The following SLFN12 variants were observed in gnomAD, a reference collection of about 807,000 sequenced individuals.
SLFN12 encodes ribonuclease SLFN12.
SLFN12 carries 25 observed loss-of-function variants against 29.1 expected under a neutral mutation model. The ratio of observed to expected loss-of-function variants is 0.86; its 90% CI spans 0.63 to 1.20. SLFN12 has a LOEUF of 1.20. Among genes scored for constraint, SLFN12 ranks in the 50% most tolerant of loss-of-function variants. The pLI is 0.00. For missense variants in SLFN12, 660 were observed against 666.2 expected, an observed-to-expected ratio of 0.99 and a Z score of 0.10; for synonymous variants, 257 against 238.7, an observed-to-expected ratio of 1.08 and a Z score of -0.71.
intron 2 of SLFN12, among the ~76,000 whole-genome samples, 169 bp downstream of exon 2, chr17:35,421,819 CGT>C: frequency 6.6e-6 from 1 of 151,552 alleles, no homozygotes; most frequent in South Asian, 2.1e-4. Flanking sequence ...GGAATACAGA[CGT>C]GAGCCACCGC....
At chr17:35,429,178 C>T (rs925873595) in intron 1 of SLFN12, among the ~76,000 whole-genome samples, 9 of 152,030 alleles carry the variant, frequency 5.9e-5, no homozygotes, top group African/African-American at 2.2e-4. Context: ...ACCCACCATA[C>T]ACAGAAGGGG....
chr17:35,411,999 T>C, intron 3 of SLFN12, 72 bp from the exon 4 acceptor site: 1 of 1,211,730 alleles, frequency 8.3e-7, no homozygotes. Flanking sequence ...GCAAAGTAGC[T>C]TGTAAAAAAC....
At chr17:35,419,021 C>G (rs1420149609) in intron 3 of SLFN12, among the ~76,000 whole-genome samples, 1 of 152,018 alleles carries the variant, frequency 6.6e-6, no homozygotes, top group African/African-American at 2.4e-5. Flanking sequence ...GTGTGCACCA[C>G]CACACCTGGC....
intron 3 of SLFN12, 94 bp from the exon 4 acceptor site, chr17:35,412,021 T>C: frequency 1.1e-6 from 1 of 872,576 alleles, no homozygotes; most frequent in East Asian, 2.7e-5. Context: ...AATCTTCCCA[T>C]CAAAAACACT....
At position 35,411,238 on chromosome 17, in the gene SLFN12, T is replaced by A; in HGVS notation, c.*100A>T. 2.3e-6 allele frequency: 2 copies of A among 868,238 alleles called. No homozygotes were observed. Among genetic ancestry groups the A allele is most frequent in the Non-Finnish European group, 3.5e-6 (2 of 576,798 alleles). 53.8% of individuals were successfully genotyped at this position (868,238 alleles called of 1,614,324 possible). A position where few individuals can be genotyped will look rare whatever the true frequency, so the allele number is the denominator to read the frequency against. On this transcript the variant is annotated 3_prime_UTR_variant, in exon 4 of 4. Transcript: ENST00000304905. ...CCAATTATCCAACATCACATTAAGT[T>A]GCTTAACTTGCAAAGTTTTCAAAGA...
intron 3 of SLFN12, among the ~76,000 whole-genome samples, chr17:35,418,855 T>C (rs942807976): frequency 2.3e-4 from 34 of 150,902 alleles, no homozygotes; most frequent in African/African-American, 8.0e-4. Flanking sequence ...TGTATTTATT[T>C]ATTTGTTTGT....
chr17:35,418,178 C>A (rs1449622557), intron 3 of SLFN12, among the ~76,000 whole-genome samples: 4 of 151,524 alleles, frequency 2.6e-5, no homozygotes, highest in African/African-American at 9.7e-5. Flanking sequence ...AAAGGGCTTA[C>A]CCTACCAGAT....
At chr17:35,416,627 C>T (rs1294087085) in intron 3 of SLFN12, among the ~76,000 whole-genome samples, 2 of 151,962 alleles carry the variant, frequency 1.3e-5, no homozygotes, top group Non-Finnish European at 2.9e-5. Flanking sequence ...ATAAAAATAG[C>T]CTGAAATAAG....
rs145281992 is a variant in SLFN12 at position 35,414,848 on chromosome 17, T to G, written c.1148-2921A>C. On this transcript the variant is annotated intron_variant, in intron 3 of 3. Coordinates refer to ENST00000304905, the MANE Select transcript of SLFN12 (RefSeq NM_018042.5). ...CTCTACAAGGAAAACCACAAAACACTGCTGAAAGAAATCATAGATGAAACA... is the reference window on the plus strand; with the variant it reads ...CTCTACAAGGAAAACCACAAAACACGGCTGAAAGAAATCATAGATGAAACA... Among the ~76,000 whole-genome samples the G allele has an allele frequency of 3.9e-3, 600 of 152,118 alleles. 7 individuals carry two copies. The highest frequency in any genetic ancestry group is 0.013 in the African/African-American group (555 of 41,530).
At chr17:35,417,476 TG>T (rs757497098) in intron 3 of SLFN12, among the ~76,000 whole-genome samples, 1 of 152,132 alleles carries the variant, frequency 6.6e-6, no homozygotes, top group Non-Finnish European at 1.5e-5. Flanking sequence ...CTTTAAGTTC[TG>T]GGGTACATGT....
rs756849426 is a variant in SLFN12, at chr17:35,411,494, C to G, written c.1581G>C (p.Arg527Ser). 6.2e-7 allele frequency: 1 copy of G among 1,613,996 alleles called. No individual in the cohort carries two copies. The highest frequency in any genetic ancestry group is 8.5e-7 in the Non-Finnish European group (1 of 1,179,980). Residue 527 changes from arginine to serine, a missense_variant, in exon 4 of 4, where the codon AGG becomes AGC. Physicochemically the swap from Arg to Ser is moderately radical, Grantham distance 110 (BLOSUM62 -1). Transcript: ENST00000304905. Reference protein sequence around the residue: ...IYPESYYFTRRKYLLKALFKA... With the variant: ...IYPESYYFTRSKYLLKALFKA... ...TAAAAAGGGCTTTCAGCAAGTATTT[C>G]CTTCTTGTAAAATAGTAGGATTCAG...
intron 3 of SLFN12, among the ~76,000 whole-genome samples, chr17:35,419,435 C>T (rs1276163817): frequency 6.6e-6 from 1 of 151,882 alleles, no homozygotes; most frequent in Admixed American, 6.6e-5. Flanking sequence ...AAGAAAAAGA[C>T]AAAGCTTATT....
Position 35,422,090 on chromosome 17 carries a change from T to C in SLFN12, c.939A>G (p.Ala313=), listed in dbSNP as rs376178511. 9.3e-6 allele frequency: 15 copies of C among 1,614,086 alleles called. No individual in the cohort carries two copies. The highest frequency in any genetic ancestry group is 8.0e-5 in the African/African-American group (6 of 75,038). The change falls in exon 2 of 4, where the codon GCA becomes GCG. Residue 313 remains alanine, a synonymous_variant. Transcript: ENST00000304905. ...AGGAATCAGGCTCTTTAGCAAACAC[T>C]GCACAGCAGAAGCGCTCCACTCTGA... ...CALRVERFCC[A]VFAKEPDSWH... is the part of the protein sequence containing the mutation.
intron 1 of SLFN12, among the ~76,000 whole-genome samples, chr17:35,427,268 T>C (rs960283614): frequency 6.6e-6 from 1 of 152,180 alleles, no homozygotes; most frequent in Non-Finnish European, 1.5e-5. Context: ...ATTCATTTAG[T>C]TGCAACAGAT....
Position 35,422,969 on chromosome 17 carries a change from T to C in SLFN12, c.60A>G (p.Arg20=). 1.2e-6 allele frequency: 2 copies of C among 1,613,636 alleles called. No individual in the cohort carries two copies. The highest frequency in any genetic ancestry group is 1.1e-5 in the South Asian group (1 of 91,030). Reference sequence around the variant, plus strand: ...TCCTACTGTTCTCTCCAAGAGTGACTCTTCCCACATCTAGAACCAACTCGG... The same window carrying C: ...TCCTACTGTTCTCTCCAAGAGTGACCCTTCCCACATCTAGAACCAACTCGG... The part of the protein sequence containing the change: ...NYAELVLDVG[R]VTLGENSRKK... The change falls in exon 2 of 4, where the codon AGA becomes AGG. Residue 20 remains arginine (R), a synonymous_variant. Coordinates refer to ENST00000304905, the MANE Select transcript of SLFN12 (RefSeq NM_018042.5).
chr17:35,412,993 A>G (rs1198002790), intron 3 of SLFN12, among the ~76,000 whole-genome samples: 1 of 151,910 alleles, frequency 6.6e-6, no homozygotes, highest in Non-Finnish European at 1.5e-5. Context: ...ATTTAACAGC[A>G]GACAGAGCAT....
chr17:35,424,019 G>A (rs76401283), intron 1 of SLFN12, among the ~76,000 whole-genome samples: 3 of 152,204 alleles, frequency 2.0e-5, no homozygotes, highest in African/African-American at 7.2e-5. Context: ...CCAGCTTGCG[G>A]TATTTTGTTA....
At position 35,422,254 on chromosome 17, in the gene SLFN12, C is replaced by A. The variant is rs1368909975; in HGVS notation, c.775G>T (p.Asp259Tyr). The change falls in exon 2 of 4, where the codon GAC (aspartate) becomes TAC (tyrosine). Residue 259 changes from aspartate (D) to tyrosine (Y), a missense_variant. Physicochemically the swap from Asp to Tyr is radical, Grantham distance 160. Transcript: ENST00000304905. The stretch of plus-strand genomic sequence containing the variant: ...GACTTTTCGATTTCTCTTTCTAAGT[C>A]ATCGAGGTCACTCATCTCTGCTTTA... ...GFKAEMSDLD[D>Y]LEREIEKSIR... 3 of 1,614,126 alleles carry A rather than the reference C, an allele frequency of 1.9e-6. No homozygotes were observed. Among genetic ancestry groups the A allele is most frequent in the Non-Finnish European group, 2.5e-6 (3 of 1,180,014 alleles).
intron 3 of SLFN12, among the ~76,000 whole-genome samples, chr17:35,419,339 T>C (rs1003806711): frequency 7.9e-5 from 12 of 152,122 alleles, no homozygotes; most frequent in Admixed American, 2.0e-4. Flanking sequence ...AGCCACCAGC[T>C]TGGAGAAAAC....
Sources: allele counts gnomAD v4.1 joint callset (sites outside exome capture counted in the v4.1 genomes callset), GRCh38; gene constraint gnomAD v4.1.1; transcripts MANE v1.5; gene names NCBI Gene and HGNC (gene_info 2026-07-23, HGNC 2026-07-21).